The following ANKRD6 variants were observed in gnomAD, a reference collection of about 807,000 sequenced individuals.
ANKRD6 encodes ankyrin repeat domain 6.
A neutral mutation model predicts 82.3 loss-of-function variants in ANKRD6; 56 were observed. The ratio of observed to expected loss-of-function variants is 0.68; its 90% CI spans 0.55 to 0.85. The LOEUF is 0.85. Among genes scored for constraint, ANKRD6 ranks in the 40% least tolerant of loss-of-function variants. The pLI is 0.00. For missense variants in ANKRD6, 852 were observed against 907.6 expected (o/e 0.94, Z 0.79); for synonymous variants, 347 against 352.1 (o/e 0.99, Z 0.16).
chr6:89,440,261 A>C (rs535724452), intron 1 of ANKRD6, among the ~76,000 whole-genome samples: 1 of 152,238 alleles, frequency 6.6e-6, no homozygotes, highest in Non-Finnish European at 1.5e-5. Context: ...AGAACAGTAC[A>C]CTTTTAGAGA....
chr6:89,492,331 A>G (rs780932684), intron 1 of ANKRD6, among the ~76,000 whole-genome samples: 21 of 152,184 alleles, frequency 1.4e-4, no homozygotes, highest in Non-Finnish European at 2.8e-4. Flanking sequence ...GGTTTGAGTA[A>G]TTCCTTGTTT....
chr6:89,605,918 T>C, intron 4 of ANKRD6, 89 bp from the exon 5 acceptor site: 1 of 871,464 alleles, frequency 1.1e-6, no homozygotes, highest in Admixed American at 2.8e-5. Context: ...CGTCTGGTGT[T>C]CCGTAAAAAT....
chr6:89,529,893 C>G (rs1327656642), intron 1 of ANKRD6, among the ~76,000 whole-genome samples: 1 of 151,982 alleles, frequency 6.6e-6, no homozygotes, highest in East Asian at 1.9e-4. Context: ...TCAGGGTACC[C>G]CAAAACAATT....
chr6:89,500,354 A>C (rs996296400), intron 1 of ANKRD6, among the ~76,000 whole-genome samples: 10 of 152,190 alleles, frequency 6.6e-5, no homozygotes, highest in African/African-American at 1.9e-4. Context: ...GAAGATAGAA[A>C]TACTACCCTG....
intron 9 of ANKRD6, chr6:89,618,299 C>T (rs1299181941): frequency 1.6e-6 from 1 of 639,278 alleles, no homozygotes; most frequent in African/African-American, 1.8e-5. Flanking sequence ...AGTTTCCCAG[C>T]TACTCAGCCA....
chr6:89,601,060 C>T (rs1470753993), intron 3 of ANKRD6, among the ~76,000 whole-genome samples: 1 of 152,084 alleles, frequency 6.6e-6, no homozygotes, highest in Admixed American at 6.6e-5. Flanking sequence ...AAAGTTGAGA[C>T]TTGGGCAGTA....
At position 89,606,055 on chromosome 6, in the gene ANKRD6, T is replaced by C. The variant is rs755911802; in HGVS notation, c.367T>C (p.Ser123Pro). The part of the protein sequence containing the change: ...HEASWHGFSQ[S>P]AKLLIKAGAN... ...AGCATCCTGGCATGGTTTCAGCCAG[T>C]CAGCCAAGCTGCTCATTAAAGCAGG... The change falls in exon 5 of 16, where the codon TCA becomes CCA. Residue 123 changes from serine (S) to proline (P), a missense_variant. Transcript: ENST00000339746. 1.9e-6 allele frequency: 3 copies of C among 1,595,470 alleles called. No homozygotes were observed. The South Asian group carries it at 3.4e-5, about 18-fold the overall frequency.
In ANKRD6 at chr6:89,518,253, T is replaced by C. The variant is rs1371975412; in HGVS notation, c.-143-48581T>C. 4.6e-5 allele frequency among the ~76,000 whole-genome samples: 7 copies of C among 152,014 alleles called. No homozygotes were observed. The East Asian group carries it at 1.2e-3, about 25-fold the overall frequency. ...CCCCGCCTCTACTAAAAATACAAAATTAGCTGGGCGTGGTGGCGCATGCCT... is the reference window on the plus strand; with the variant it reads ...CCCCGCCTCTACTAAAAATACAAAACTAGCTGGGCGTGGTGGCGCATGCCT... On this transcript the variant is annotated intron_variant, in intron 1 of 15. Transcript: ENST00000339746.
At chr6:89,479,460 T>C (rs1437733373) in intron 1 of ANKRD6, among the ~76,000 whole-genome samples, 1 of 152,198 alleles carries the variant, frequency 6.6e-6, no homozygotes, top group Non-Finnish European at 1.5e-5. Flanking sequence ...CCTGGCTCAT[T>C]GAATCATCTT....
intron 1 of ANKRD6, among the ~76,000 whole-genome samples, chr6:89,437,677 A>G (rs1770827270): frequency 6.6e-6 from 1 of 152,136 alleles, no homozygotes; most frequent in Non-Finnish European, 1.5e-5. Context: ...AATACGTCCT[A>G]CCTTGTTTCA....
At chr6:89,576,742 G>T (rs972939266) in intron 2 of ANKRD6, among the ~76,000 whole-genome samples, 1 of 151,964 alleles carries the variant, frequency 6.6e-6, no homozygotes, top group African/African-American at 2.4e-5. Context: ...CCTCCCCAAG[G>T]TGCCTTCTCC....
chr6:89,604,472 T>C (rs552477841), intron 4 of ANKRD6, among the ~76,000 whole-genome samples: 1 of 152,178 alleles, frequency 6.6e-6, no homozygotes, highest in African/African-American at 2.4e-5. Flanking sequence ...CTTACTTTTT[T>C]TTTTTTTCTT....
chr6:89,438,674 G>A (rs1366675898), intron 1 of ANKRD6, among the ~76,000 whole-genome samples: 1 of 151,706 alleles, frequency 6.6e-6, no homozygotes, highest in Non-Finnish European at 1.5e-5. Context: ...ACAAAATCTC[G>A]CTCTGTTGCC....
chr6:89,444,515 A>C (rs1017387063), intron 1 of ANKRD6, among the ~76,000 whole-genome samples: 6 of 152,236 alleles, frequency 3.9e-5, no homozygotes, highest in African/African-American at 1.4e-4. Context: ...ATAAAATCTA[A>C]AAGTTGCATT....
intron 1 of ANKRD6, among the ~76,000 whole-genome samples, chr6:89,434,054 A>C (rs1257039076): frequency 6.6e-6 from 1 of 152,150 alleles, no homozygotes; most frequent in African/African-American, 2.4e-5. Context: ...GAATGTCTCA[A>C]AGCTGGTCAA....
intron 1 of ANKRD6, among the ~76,000 whole-genome samples, chr6:89,540,345 T>C (rs1784318801): frequency 6.6e-6 from 1 of 152,238 alleles, no homozygotes; most frequent in Non-Finnish European, 1.5e-5. Flanking sequence ...GGTGAGATGA[T>C]ATCTCGTAGT....
chr6:89,630,325 G>C, intron 15 of ANKRD6, 108 bp from the exon 16 acceptor site: 5 of 1,320,380 alleles, frequency 3.8e-6, no homozygotes, highest in Non-Finnish European at 4.1e-6. Flanking sequence ...TGGTGATGGA[G>C]AAGGCTGGTG....
At chr6:89,532,535 A>G (rs1783295373) in intron 1 of ANKRD6, among the ~76,000 whole-genome samples, 1 of 152,092 alleles carries the variant, frequency 6.6e-6, no homozygotes, top group African/African-American at 2.4e-5. Flanking sequence ...CGCATATCAC[A>G]ATTAGAGTTC....
At chr6:89,480,376 C>T (rs1776643507) in intron 1 of ANKRD6, among the ~76,000 whole-genome samples, 1 of 152,094 alleles carries the variant, frequency 6.6e-6, no homozygotes, top group Non-Finnish European at 1.5e-5. Context: ...CATGAAGGAG[C>T]CAGGTCAGGA....
Sources: gnomAD v4.1 joint callset for allele counts (sites outside exome capture counted in the v4.1 genomes callset) on GRCh38, gnomAD v4.1.1 for gene constraint, MANE v1.5 for transcripts, NCBI Gene and HGNC (gene_info 2026-07-23, HGNC 2026-07-21) for gene names.